RYR3: variants seen among roughly 807,000 people sequenced by gnomAD.
RYR3 encodes the protein brain ryanodine receptor-calcium release channel.
Under a neutral mutation model 584.3 loss-of-function variants are expected in RYR3, and 207 were observed. That is an observed-to-expected ratio of 0.35 (90% confidence interval 0.32 to 0.40). RYR3 has a LOEUF of 0.40. Ranked by LOEUF, RYR3 falls within the 10% of genes least tolerant of loss-of-function variation. RYR3 has a pLI of 1.00. For missense variants in RYR3, 5,616 were observed against 6,089.2 expected (o/e 0.92, Z 2.59); for synonymous variants, 2,416 against 2,248.5 (o/e 1.07, Z -2.11).
chr15:33,769,864 G>A (rs1042360995), intron 62 of RYR3, among the ~76,000 whole-genome samples: 3 of 152,112 alleles, frequency 2.0e-5, no homozygotes, highest in African/African-American at 4.8e-5. Flanking sequence ...TGGGAGGATG[G>A]CTTGAGCCCA....
intron 103 of RYR3, 184 bp from the exon 104 acceptor site, chr15:33,864,947 G>C (rs933698491): frequency 1.8e-6 from 1 of 543,970 alleles, no homozygotes; most frequent in Non-Finnish European, 3.3e-6. Flanking sequence ...ATGTGTCAGA[G>C]AGACATGGCT....
intron 44 of RYR3, among the ~76,000 whole-genome samples, chr15:33,723,175 T>A (rs1487578178): frequency 6.6e-6 from 1 of 152,182 alleles, no homozygotes; most frequent in Non-Finnish European, 1.5e-5. Context: ...CACCATGGGG[T>A]AGGAAGCTAA....
At chr15:33,418,591 C>G (rs1270666391) in intron 1 of RYR3, among the ~76,000 whole-genome samples, 1 of 151,988 alleles carries the variant, frequency 6.6e-6, no homozygotes, top group African/African-American at 2.4e-5. Flanking sequence ...AGAAACTGGA[C>G]TTTATCTTAT....
At chr15:33,593,920 A>C (rs1009194176) in intron 16 of RYR3, among the ~76,000 whole-genome samples, 1 of 152,150 alleles carries the variant, frequency 6.6e-6, no homozygotes, top group Non-Finnish European at 1.5e-5. Flanking sequence ...AAGGGTAATT[A>C]GTTTTTACAT....
chr15:33,572,888 C>G (rs1360746022), intron 12 of RYR3, among the ~76,000 whole-genome samples: 5 of 152,152 alleles, frequency 3.3e-5, no homozygotes, highest in Non-Finnish European at 7.4e-5. Context: ...TCATGAGAAT[C>G]ACTTGAACCC....
intron 65 of RYR3, among the ~76,000 whole-genome samples, chr15:33,783,091 C>T (rs1389046813): frequency 6.6e-6 from 1 of 152,192 alleles, no homozygotes; most frequent in Non-Finnish European, 1.5e-5. Flanking sequence ...GTGAGGCACA[C>T]AAGACTTTAG....
intron 52 of RYR3, among the ~76,000 whole-genome samples, chr15:33,743,070 G>T (rs1252265693): frequency 6.6e-6 from 1 of 152,170 alleles, no homozygotes; most frequent in African/African-American, 2.4e-5. Flanking sequence ...GGATTCCTGT[G>T]GGCAGCCAGT....
intron 59 of RYR3, 58 bp downstream of exon 59, chr15:33,756,431 A>T: frequency 8.0e-7 from 1 of 1,256,752 alleles, no homozygotes. Context: ...ACTATTTAGG[A>T]AACAGGTTAA....
intron 32 of RYR3, among the ~76,000 whole-genome samples, chr15:33,659,052 T>G (rs781631396): frequency 1.3e-5 from 2 of 152,170 alleles, no homozygotes; most frequent in African/African-American, 2.4e-5. Context: ...ACAGAACATT[T>G]GGCAATGTTG....
At chr15:33,807,123 G>T (rs74008331) in intron 69 of RYR3, among the ~76,000 whole-genome samples, 2,352 of 152,234 alleles carry the variant, frequency 0.015, 51 homozygotes, top group African/African-American at 0.052. Flanking sequence ...CACAGATGTT[G>T]CTAATGTGGT....
At chr15:33,541,549 T>C (rs1350016058) in intron 7 of RYR3, among the ~76,000 whole-genome samples, 1 of 152,182 alleles carries the variant, frequency 6.6e-6, no homozygotes, top group Non-Finnish European at 1.5e-5. Flanking sequence ...AATAATCAAA[T>C]GTCAGTGACC....
In RYR3 at chr15:33,676,745, G is replaced by A. The variant is rs950211918; in HGVS notation, c.5860+6189G>A. On this transcript the variant is annotated intron_variant, in intron 38 of 103. Coordinates refer to ENST00000634891, the MANE Select transcript of RYR3 (RefSeq NM_001036.6). ...TTAGAGATGAGGAAACGGGGACTCC[G>A]AGGTGTTAAGCAACTTGCCTACCTC... Among the ~76,000 whole-genome samples the A allele has an allele frequency of 2.6e-5, 4 of 152,202 alleles. No homozygotes were observed. The South Asian group carries it at 8.3e-4, about 32-fold the overall frequency.
chr15:33,840,974 TTGAGAGGC>T, intron 90 of RYR3, 91 bp downstream of exon 90: 2 of 1,172,606 alleles, frequency 1.7e-6, no homozygotes, highest in Admixed American at 3.8e-5. Context: ...TCCCAGCACT[TTGAGAGGC>T]TGAGGCTGGA....
chr15:33,413,729 C>T (rs989401878), intron 1 of RYR3, among the ~76,000 whole-genome samples: 1 of 152,242 alleles, frequency 6.6e-6, no homozygotes, highest in African/African-American at 2.4e-5. Context: ...CCCCCCCGCT[C>T]AGCTCTGCGC....
intron 10 of RYR3, among the ~76,000 whole-genome samples, chr15:33,556,508 T>C (rs1479467786): frequency 6.6e-6 from 1 of 152,226 alleles, no homozygotes. Context: ...TCATTGATGC[T>C]GATGTTTTGT....
At chr15:33,805,276 A>T (rs993117626) in intron 69 of RYR3, among the ~76,000 whole-genome samples, 2 of 152,194 alleles carry the variant, frequency 1.3e-5, no homozygotes, top group African/African-American at 4.8e-5. Context: ...GTCGTGATGC[A>T]GGAAATATTA....
Position 33,601,928 on chromosome 15 carries a change from A to T in RYR3, c.1922+376A>T, listed in dbSNP as rs1361066546. 3.3e-5 allele frequency among the ~76,000 whole-genome samples: 5 copies of T among 152,320 alleles called. No individual in the cohort carries two copies. The East Asian group carries it at 7.7e-4, about 23-fold the overall frequency. On this transcript the variant is annotated intron_variant, in intron 17 of 103. Transcript: ENST00000634891. ...TTTCTGTAATCTTTTCATAGAATGG[A>T]TGTCCCAAGTGAGACTGTGGCTTCT...
At chr15:33,468,589 C>T (rs188231565) in intron 1 of RYR3, among the ~76,000 whole-genome samples, 4 of 152,278 alleles carry the variant, frequency 2.6e-5, no homozygotes, top group East Asian at 3.9e-4. Flanking sequence ...AATCCAAGTC[C>T]ATATCCCAGT....
At chr15:33,641,017 G>A (rs2061787567) in intron 27 of RYR3, among the ~76,000 whole-genome samples, 1 of 152,192 alleles carries the variant, frequency 6.6e-6, no homozygotes, top group Non-Finnish European at 1.5e-5. Flanking sequence ...ATTCTAGAGA[G>A]CCATGTGGTG....
Sources: gnomAD v4.1 joint callset for allele counts (sites outside exome capture counted in the v4.1 genomes callset) on GRCh38, gnomAD v4.1.1 for gene constraint, MANE v1.5 for transcripts, NCBI Gene and HGNC (gene_info 2026-07-23, HGNC 2026-07-21) for gene names.